Variants in CFAP157 observed in about 807,000 individuals in gnomAD.
CFAP157 encodes the protein cilia and flagella associated protein 157.
In CFAP157, 43 loss-of-function variants were observed where a neutral mutation model predicts 57.8. That is an observed-to-expected ratio of 0.74 (90% CI 0.58 to 0.96). The LOEUF is 0.96. CFAP157 is among the 40% of genes least tolerant of loss of function. The pLI is 0.00. For missense variants in CFAP157, 606 were observed against 655.3 expected (o/e 0.92, Z 0.82); for synonymous variants, 267 against 269.0 (o/e 0.99, Z 0.07).
rs887159439 is a variant in CFAP157 at position 127,709,508 on chromosome 9, T to C, written c.248T>C (p.Ile83Thr). Reference protein sequence around the residue: ...FEQLANNKKEIVAFLKRTLNQ... With the variant: ...FEQLANNKKETVAFLKRTLNQ... ...CAGCTGGCCAATAACAAGAAGGAGA[T>C]TGTGGCCTTCCTCAAGCGCACGCTC... The change falls in exon 2 of 9, where the codon ATT (isoleucine) becomes ACT (threonine). Residue 83 changes from isoleucine to threonine, a missense_variant. Physicochemically the swap from Ile to Thr is moderately conservative, Grantham distance 89. Transcript: ENST00000373295. The surrounding 1 kb of genome is among the most constrained non-coding windows in gnomAD (Gnocchi z 4.7). 2.5e-6 allele frequency: 4 copies of C among 1,613,972 alleles called. No homozygotes were observed. Among genetic ancestry groups the C allele is most frequent in the South Asian group, 1.1e-5 (1 of 91,078 alleles).
At chr9:127,713,347 A>C (rs2131594144) in intron 8 of CFAP157, 141 bp downstream of exon 8, 1 of 682,628 alleles carries the variant, frequency 1.5e-6, no homozygotes, top group East Asian at 3.0e-5. Flanking sequence ...AATGGGCTGA[A>C]GAAAGGAGTG....
Position 127,714,102 on chromosome 9 carries a change from AC to A in CFAP157, c.*198del. The A allele has an allele frequency of 6.2e-7, 1 of 1,612,286 alleles. No homozygotes were observed. The highest frequency in any genetic ancestry group is 8.5e-7 in the Non-Finnish European group (1 of 1,179,450). ...GCAGGCAGCCATGGCCACTAGTGTC[AC>A]GGCCCCAGTGAGGGCCCCTGGCTTC... On this transcript the variant is annotated 3_prime_UTR_variant, in exon 9 of 9. Transcript: ENST00000373295.
chr9:127,712,085 G>T (rs1390360711), intron 5 of CFAP157, 114 bp from the exon 6 acceptor site: 1 of 1,510,718 alleles, frequency 6.6e-7, no homozygotes, highest in East Asian at 2.4e-5. Context: ...CTGAGGCTTG[G>T]GGCGGGATGG....
At position 127,714,941 on chromosome 9, in the gene CFAP157, G is replaced by GGCCCCCCCCCCCCCCCCC; in HGVS notation, c.*1036_*1037insGCCCCCCCCCCCCCCCCC. The GGCCCCCCCCCCCCCCCCC allele has an allele frequency of 1.3e-5, 6 of 446,376 alleles. No homozygotes were observed. Among genetic ancestry groups the GGCCCCCCCCCCCCCCCCC allele is most frequent in the Non-Finnish European group, 2.0e-5 (5 of 246,454 alleles). The allele number at this position is 446,376 out of a possible 1,614,324, so 27.7% of individuals were successfully genotyped here. On this transcript the variant is annotated 3_prime_UTR_variant, in exon 9 of 9. Transcript: ENST00000373295. ...CCGCGCCCCAACCCCCACCCCCTTG[G>GGCCCCCCCCCCCCCCCCC]CCCGCCCGCCCACCCCTGGCGCTCT...
intron 4 of CFAP157, 58 bp downstream of exon 4, chr9:127,711,554 G>T: frequency 1.9e-6 from 3 of 1,576,014 alleles, no homozygotes; most frequent in Non-Finnish European, 2.6e-6. Flanking sequence ...GGCCGCCCTG[G>T]GGGCCCTGCA....
chr9:127,712,105 T>A, intron 5 of CFAP157, 94 bp from the exon 6 acceptor site: 1 of 1,539,988 alleles, frequency 6.5e-7, no homozygotes, highest in Non-Finnish European at 8.8e-7. Context: ...GGGGCCCCTG[T>A]GGGCTTGGAG....
At position 127,715,222 on chromosome 9, in the gene CFAP157, C is replaced by T. The variant is rs1157059604; in HGVS notation, c.*1317C>T. The T allele has an allele frequency of 5.9e-6, 9 of 1,524,162 alleles. No homozygotes were observed. The South Asian group carries it at 1.1e-4, about 18-fold the overall frequency. 94.4% of individuals were successfully genotyped at this position (1,524,162 alleles called of 1,614,324 possible). ...GCGGGCGGCACCAGGGAAACTGAGG[C>T]CCAACAACTCTCGCCACCCCCGATC... is the stretch of plus-strand genomic sequence containing the variant. On this transcript the variant is annotated 3_prime_UTR_variant, in exon 9 of 9. Transcript: ENST00000373295. This position sits in a 1 kb window ranked among gnomAD's most constrained non-coding sequence, Gnocchi z 5.8.
chr9:127,711,396 A>C lies in CFAP157; in HGVS notation c.755A>C (p.Asn252Thr), dbSNP rs757321908. Residue 252 changes from asparagine to threonine, a missense_variant, in exon 4 of 9, where the codon AAT becomes ACT. Asn to Thr is a moderately conservative substitution (Grantham distance 65). Transcript: ENST00000373295. ...SQQGMKLLQE[N>T]EQLKGRQNNL... ...CAAGGCATGAAGCTGCTGCAGGAGA[A>C]TGAGCAGCTCAAGGGAAGACAGAAC... 1 of 1,614,198 alleles carries C rather than the reference A, an allele frequency of 6.2e-7. No individual in the cohort carries two copies. Among genetic ancestry groups the C allele is most frequent in the Non-Finnish European group, 8.5e-7 (1 of 1,180,042 alleles).
chr9:127,713,850 C>G lies in CFAP157; in HGVS notation c.1508C>G (p.Ser503Cys), dbSNP rs1331503772. 15 of 1,613,844 alleles carry G rather than the reference C, an allele frequency of 9.3e-6. No individual in the cohort carries two copies. The highest frequency in any genetic ancestry group is 1.2e-5 in the Non-Finnish European group (14 of 1,179,976). ...ATCTTACAGATGCGTGCCCCTGGTT[C>G]TCTAAAAAGGCTTGAAAAGTTTAGT... ...HSSPEMRAPG[S>C]LKRLEKFSLP... The change falls in exon 9 of 9, where the codon TCT becomes TGT. Residue 503 changes from serine (S) to cysteine (C), a missense_variant. Physicochemically the swap from Ser to Cys is moderately radical, Grantham distance 112. Coordinates refer to ENST00000373295, the MANE Select transcript of CFAP157 (RefSeq NM_001012502.3).
chr9:127,708,105 G>A (rs929900591), intron 1 of CFAP157, among the ~76,000 whole-genome samples: 3 of 152,190 alleles, frequency 2.0e-5, no homozygotes, highest in African/African-American at 4.8e-5. Flanking sequence ...ATGCAAGACT[G>A]CTTCCTCAGC....
Position 127,707,024 on chromosome 9 carries a change from C to T in CFAP157, c.-8C>T, listed in dbSNP as rs762448294. On this transcript the variant is annotated 5_prime_UTR_variant, in exon 1 of 9. Coordinates refer to ENST00000373295, the MANE Select transcript of CFAP157 (RefSeq NM_001012502.3). ...TCCTGGGGCCTGGAGCCCTGGTTGC[C>T]ATCAGCCATGGCTCCCAAAAAGAGT... 1 of 1,613,190 alleles carries T rather than the reference C, an allele frequency of 6.2e-7. No individual in the cohort carries two copies. Among genetic ancestry groups the T allele is most frequent in the Non-Finnish European group, 8.5e-7 (1 of 1,179,612 alleles).
At position 127,712,327 on chromosome 9, in the gene CFAP157, C is replaced by T. The variant is rs759603617; in HGVS notation, c.1115C>T (p.Ser372Phe). The change falls in exon 6 of 9, where the codon TCC (serine) becomes TTC (phenylalanine). Residue 372 changes from serine (S) to phenylalanine (F), a missense_variant. Transcript: ENST00000373295. ...GAGGCGGCTCTGGTCCAGGCCACCT[C>T]CTTCCTACAGAACATTCTGCAGGTG... ...SLEAALVQAT[S>F]FLQNILQMHR... is the part of the protein sequence containing the mutation. 6.2e-7 allele frequency: 1 copy of T among 1,613,980 alleles called. No individual in the cohort carries two copies. Among genetic ancestry groups the T allele is most frequent in the East Asian group, 2.2e-5 (1 of 44,880 alleles).
In CFAP157 at chr9:127,712,212, C is replaced by A; in HGVS notation, c.1000C>A (p.Gln334Lys). 6.2e-7 allele frequency: 1 copy of A among 1,613,970 alleles called. No homozygotes were observed. Among genetic ancestry groups the A allele is most frequent in the Non-Finnish European group, 8.5e-7 (1 of 1,179,974 alleles). The stretch of plus-strand genomic sequence containing the variant: ...GTTGGGGTCCAGGAGCCAGAGAGAC[C>A]AGCTGAGCCTGCAGCTGGAGCAGCA... ...DNQALKSQRD[Q>K]LSLQLEQQQV... The change falls in exon 6 of 9, where the codon CAG (glutamine) becomes AAG (lysine). Residue 334 changes from glutamine to lysine, a missense_variant. By Grantham distance (53) the Gln-to-Lys change is moderately conservative. Coordinates refer to ENST00000373295, the MANE Select transcript of CFAP157 (RefSeq NM_001012502.3).
chr9:127,713,317 C>CT (rs1201900934), intron 8 of CFAP157, 111 bp downstream of exon 8: 2 of 824,422 alleles, frequency 2.4e-6, no homozygotes, highest in Non-Finnish European at 3.7e-6. Context: ...CCAGATCTCT[C>CT]TGAGCCTTCC....
In CFAP157 at chr9:127,709,438, G is replaced by A. The variant is rs779201970; in HGVS notation, c.178G>A (p.Asp60Asn). 10 of 1,613,592 alleles carry A rather than the reference G, an allele frequency of 6.2e-6. No homozygotes were observed. Among genetic ancestry groups the A allele is most frequent in the Non-Finnish European group, 8.5e-6 (10 of 1,179,952 alleles). Residue 60 changes from aspartate to asparagine, a missense_variant, in exon 2 of 9, where the codon GAT (aspartate) becomes AAT (asparagine). Physicochemically the swap from Asp to Asn is conservative, Grantham distance 23. Transcript: ENST00000373295. The surrounding 1 kb of genome is among the most constrained non-coding windows in gnomAD (Gnocchi z 4.7). Reference sequence around the variant, plus strand: ...CTGCCCCAGGTACCAGCGGAAGTGGGATGAGCTGGCTGTGCAGGAGAAGAT... The same window carrying A: ...CTGCCCCAGGTACCAGCGGAAGTGGAATGAGCTGGCTGTGCAGGAGAAGAT... ...DRLARYQRKW[D>N]ELAVQEKMFR...
At chr9:127,710,467 G>A (rs1842739308) in intron 2 of CFAP157, 134 bp from the exon 3 acceptor site, 1 of 1,089,482 alleles carries the variant, frequency 9.2e-7, no homozygotes. Flanking sequence ...GGTGGGGGAT[G>A]GTAGACCTGC....
chr9:127,714,758 G>A lies in CFAP157; in HGVS notation c.*853G>A, dbSNP rs1842887628. ...CTGCCCATCTGCCCAGAGAGGCACT[G>A]TCCCGACTCCCATGATGAGGGACCA... On this transcript the variant is annotated 3_prime_UTR_variant, in exon 9 of 9. Transcript: ENST00000373295. 7.0e-7 allele frequency: 1 copy of A among 1,429,920 alleles called. No individual in the cohort carries two copies. Among genetic ancestry groups the A allele is most frequent in the African/African-American group, 1.4e-5 (1 of 70,664 alleles). The allele number at this position is 1,429,920 out of a possible 1,614,324, so 88.6% of individuals were successfully genotyped here. A position where few individuals can be genotyped will look rare whatever the true frequency, so the allele number is the denominator to read the frequency against.
In CFAP157 at chr9:127,715,967, C is replaced by G; in HGVS notation, c.*2062C>G. 2 of 922,644 alleles carry G rather than the reference C, an allele frequency of 2.2e-6. No homozygotes were observed. Among genetic ancestry groups the G allele is most frequent in the Non-Finnish European group, 3.3e-6 (2 of 599,880 alleles). The allele number at this position is 922,644 out of a possible 1,614,324, so 57.2% of individuals were successfully genotyped here. A position where few individuals can be genotyped will look rare whatever the true frequency, so the allele number is the denominator to read the frequency against. On this transcript the variant is annotated 3_prime_UTR_variant, in exon 9 of 9. Coordinates refer to ENST00000373295, the MANE Select transcript of CFAP157 (RefSeq NM_001012502.3). The surrounding 1 kb of genome is among the most constrained non-coding windows in gnomAD (Gnocchi z 5.8). Reference sequence around the variant, plus strand: ...GGCAAGTCCTTTCCCCGCTGTAGGCCTCAACCTCTCCAGCTAATAAAAGTT... The same window carrying G: ...GGCAAGTCCTTTCCCCGCTGTAGGCGTCAACCTCTCCAGCTAATAAAAGTT...
chr9:127,715,656 C>G lies in CFAP157; in HGVS notation c.*1751C>G, dbSNP rs762598511. 4.6e-5 allele frequency: 74 copies of G among 1,607,730 alleles called. No homozygotes were observed. The highest frequency in any genetic ancestry group is 1.6e-4 in the Middle Eastern group (1 of 6,078). On this transcript the variant is annotated 3_prime_UTR_variant, in exon 9 of 9. Coordinates refer to ENST00000373295, the MANE Select transcript of CFAP157 (RefSeq NM_001012502.3). This position sits in a 1 kb window ranked among gnomAD's most constrained non-coding sequence, Gnocchi z 5.8. ...CGGCCTCATGCTGCCCCCATTCACTCCGACACCGCCCCCTGACGTCATCAC... is the reference window on the plus strand; with the variant it reads ...CGGCCTCATGCTGCCCCCATTCACTGCGACACCGCCCCCTGACGTCATCAC...
Sources: gnomAD v4.1 joint callset for allele counts (sites outside exome capture counted in the v4.1 genomes callset) on GRCh38, gnomAD v4.1.1 for gene constraint, Gnocchi (gnomAD v3.1) non-coding constraint, MANE v1.5 for transcripts, NCBI Gene and HGNC (gene_info 2026-07-23, HGNC 2026-07-21) for gene names.